The following EIF3D variants were observed in gnomAD, a reference collection of about 807,000 sequenced individuals.
EIF3D encodes eukaryotic translation initiation factor 3 subunit D.
A neutral mutation model predicts 75.4 loss-of-function variants in EIF3D; 10 were observed. That is an observed-to-expected ratio of 0.13 (90% CI 0.08 to 0.22). The LOEUF is 0.22. EIF3D is among the 10% of genes least tolerant of loss of function. The pLI is 1.00. For missense variants in EIF3D, 394 were observed against 708.0 expected (o/e 0.56, Z 5.03); for synonymous variants, 246 against 248.3 (o/e 0.99, Z 0.09).
At chr22:36,514,826 C>T (rs1207847041) in intron 12 of EIF3D, among the ~76,000 whole-genome samples, 6 of 152,142 alleles carry the variant, frequency 3.9e-5, no homozygotes, top group African/African-American at 1.4e-4. Flanking sequence ...GGATTTGTGG[C>T]CCCACCCAAA....
At chr22:36,525,974 C>T (rs1432214793) in intron 2 of EIF3D, 25 bp downstream of exon 2, 3 of 1,584,642 alleles carry the variant, frequency 1.9e-6, no homozygotes, top group Non-Finnish European at 2.6e-6. Flanking sequence ...TGCAAAGATT[C>T]AGACTCCTGC....
chr22:36,526,903 C>T (rs1268937751), intron 1 of EIF3D: 1 of 152,132 alleles, frequency 6.6e-6, no homozygotes, highest in African/African-American at 2.4e-5. Flanking sequence ...TAGTCTTTTC[C>T]ATCTGCAAAA....
rs1934340542 is a variant in EIF3D, at chr22:36,511,747, G to A, written c.1389C>T (p.His463=). Reference sequence around the variant, plus strand: ...TGAACTGCTGGGTGCCTAGGATGACGTGGCGTGAGGAGTCTTTCACGTGGT... The same window carrying A: ...TGAACTGCTGGGTGCCTAGGATGACATGGCGTGAGGAGTCTTTCACGTGGT... ...SRYHVKDSSR[H]VILGTQQFKP... is the part of the protein sequence containing the mutation. The change falls in exon 14 of 15, where the codon CAC becomes CAT. Residue 463 remains histidine (H), a synonymous_variant. Transcript: ENST00000216190. The A allele has an allele frequency of 6.2e-7, 1 of 1,614,102 alleles. No homozygotes were observed. Among genetic ancestry groups the A allele is most frequent in the Non-Finnish European group, 8.5e-7 (1 of 1,179,998 alleles).
Position 36,512,647 on chromosome 22 carries a change from C to T in EIF3D, c.1207-45G>A, listed in dbSNP as rs536105853. 6.9e-6 allele frequency: 11 copies of T among 1,588,492 alleles called. No individual in the cohort carries two copies. The African/African-American group carries it at 9.4e-5, about 14-fold the overall frequency. The stretch of plus-strand genomic sequence containing the variant: ...GAGAAACAGAAGCAAGCTCCAAATG[C>T]CCAAGGTGCTGGGACCTCCTCTGGC... On this transcript the variant is annotated intron_variant, in intron 12 of 14. Coordinates refer to ENST00000216190, the MANE Select transcript of EIF3D (RefSeq NM_003753.4).
At chr22:36,522,345 A>C (rs1223724377) in intron 6 of EIF3D, among the ~76,000 whole-genome samples, 1 of 152,060 alleles carries the variant, frequency 6.6e-6, no homozygotes, top group Non-Finnish European at 1.5e-5. Flanking sequence ...ACAGAGCAAG[A>C]CTCTGTCTCA....
intron 1 of EIF3D, among the ~76,000 whole-genome samples, chr22:36,528,013 G>A (rs16996884): frequency 0.31 from 46,536 of 151,976 alleles, 9,090 homozygotes; most frequent in African/African-American, 0.56. Flanking sequence ...AAGAAAAAGG[G>A]TGGTGGTCTC....
chr22:36,516,447 CA>C, intron 12 of EIF3D, 30 bp downstream of exon 12: 2 of 1,609,290 alleles, frequency 1.2e-6, no homozygotes, highest in Non-Finnish European at 1.7e-6. Flanking sequence ...GACATGGTGT[CA>C]CCAGGAGGGT....
chr22:36,515,177 T>C (rs1934403060), intron 12 of EIF3D, among the ~76,000 whole-genome samples: 1 of 152,208 alleles, frequency 6.6e-6, no homozygotes, highest in African/African-American at 2.4e-5. Flanking sequence ...AATGGACTAA[T>C]ACAAGGACCA....
At position 36,517,384 on chromosome 22, in the gene EIF3D, C is replaced by A. The variant is rs1434948625; in HGVS notation, c.907G>T (p.Gly303Cys). The A allele has an allele frequency of 6.2e-7, 1 of 1,613,790 alleles. No homozygotes were observed. Among genetic ancestry groups the A allele is most frequent in the South Asian group, 1.1e-5 (1 of 91,002 alleles). The change falls in exon 10 of 15, where the codon GGT becomes TGT. Residue 303 changes from glycine to cysteine, a missense_variant. Physicochemically the swap from Gly to Cys is radical, Grantham distance 159 (BLOSUM62 -3). Coordinates refer to ENST00000216190, the MANE Select transcript of EIF3D (RefSeq NM_003753.4). Reference sequence around the variant, plus strand: ...TTGCGGGGTGAATTGAAGGAATTACCTTCATCTTGAGGGGGCTCATTGGCA... The same window carrying A: ...TTGCGGGGTGAATTGAAGGAATTACATTCATCTTGAGGGGGCTCATTGGCA... ...ETANEPPQDE[G>C]NSFNSPRNLA...
At chr22:36,520,727 TC>T in intron 6 of EIF3D, 39 bp from the exon 7 acceptor site, 1 of 1,436,202 alleles carries the variant, frequency 7.0e-7, no homozygotes. Context: ...AAAGTTATAG[TC>T]CATACAAAAC....
At chr22:36,521,871 A>G (rs1934519732) in intron 6 of EIF3D, among the ~76,000 whole-genome samples, 1 of 151,844 alleles carries the variant, frequency 6.6e-6, no homozygotes, top group Non-Finnish European at 1.5e-5. Context: ...CGGGAGGCGG[A>G]GGTTGCAGTG....
chr22:36,518,844 G>A lies in EIF3D; in HGVS notation c.778C>T (p.Arg260Cys), dbSNP rs767945256. 2 of 1,614,076 alleles carry A rather than the reference G, an allele frequency of 1.2e-6. No homozygotes were observed. The highest frequency in any genetic ancestry group is 8.5e-7 in the Non-Finnish European group (1 of 1,180,038). The change falls in exon 9 of 15, where the codon CGC becomes TGC. Residue 260 changes from arginine (R) to cysteine (C), a missense_variant. By Grantham distance (180) the Arg-to-Cys change is radical. Coordinates refer to ENST00000216190, the MANE Select transcript of EIF3D (RefSeq NM_003753.4). Reference protein sequence around the residue: ...AILATLMSCTRSVYSWDIVVQ... With the variant: ...AILATLMSCTCSVYSWDIVVQ... ...ACAATATCCCAGGAATACACTGAGC[G>A]GGTACAGCTCATCAGCGTGGCCAGG...
rs1267496753 is a variant in EIF3D, at chr22:36,517,445, G to T, written c.860-14C>A. ...CTGTCAGGAGGTCTGCAAAAGCGTG[G>T]CATGGTCACTCACCATGCAACAAAG... On this transcript the variant is annotated splice_polypyrimidine_tract_variant and intron_variant, in intron 9 of 14. Coordinates refer to ENST00000216190, the MANE Select transcript of EIF3D (RefSeq NM_003753.4). The T allele has an allele frequency of 6.2e-7, 1 of 1,602,896 alleles. No homozygotes were observed. Among genetic ancestry groups the T allele is most frequent in the Admixed American group, 1.8e-5 (1 of 57,124 alleles).
intron 3 of EIF3D, among the ~76,000 whole-genome samples, chr22:36,525,278 T>A (rs1333556419): frequency 5.0e-5 from 7 of 139,462 alleles, no homozygotes; most frequent in Non-Finnish European, 1.1e-4. Context: ...AGGATCTGGC[T>A]CTGTCACCAG....
chr22:36,520,765 G>T, intron 6 of EIF3D, 77 bp from the exon 7 acceptor site: 1 of 1,031,528 alleles, frequency 9.7e-7, no homozygotes, highest in East Asian at 2.6e-5. Context: ...CTAAAAATAT[G>T]AAGAGCTGGC....
chr22:36,524,826 G>A (rs1934570632), intron 3 of EIF3D, 94 bp from the exon 4 acceptor site: 1 of 1,521,228 alleles, frequency 6.6e-7, no homozygotes, highest in Non-Finnish European at 9.0e-7. Flanking sequence ...GTGTGGTCTT[G>A]AGACCTGTAG....
intron 1 of EIF3D, chr22:36,527,004 A>G (rs1200754879): frequency 6.6e-6 from 1 of 152,254 alleles, no homozygotes; most frequent in East Asian, 1.9e-4. Context: ...AGTGCTGAGA[A>G]AAAAAGATCT....
rs551631799 is a variant in EIF3D, at chr22:36,512,590, C to T, written c.1219G>A (p.Val407Ile). Residue 407 changes from valine (V) to isoleucine (I), a missense_variant, in exon 13 of 15, where the codon GTT becomes ATT. Transcript: ENST00000216190. The stretch of plus-strand genomic sequence containing the variant: ...GAGTCCAGCTTCTGACGCCAGTCAA[C>T]GCCATTACAGTGCTGCAGGAGAGCC... ...NEWDSRHCNG[V>I]DWRQKLDSQR... The T allele has an allele frequency of 6.2e-6, 10 of 1,613,880 alleles. No individual in the cohort carries two copies. The highest frequency in any genetic ancestry group is 1.7e-5 in the Admixed American group (1 of 59,986).
chr22:36,525,609 A>G (rs2145878895), intron 3 of EIF3D, 55 bp downstream of exon 3: 1 of 1,585,018 alleles, frequency 6.3e-7, no homozygotes, highest in East Asian at 2.2e-5. Context: ...TCATTAGAAT[A>G]AAGAACAACT....
Sources: allele counts gnomAD v4.1 joint callset (sites outside exome capture counted in the v4.1 genomes callset), GRCh38; gene constraint gnomAD v4.1.1; transcripts MANE v1.5; gene names NCBI Gene and HGNC (gene_info 2026-07-23, HGNC 2026-07-21).